The following DPYD variants were observed in gnomAD, a reference collection of about 807,000 sequenced individuals.
The protein encoded by DPYD is dihydropyrimidine dehydrogenase.
Under a neutral mutation model 116.2 loss-of-function variants are expected in DPYD, and 109 were observed. The ratio of observed to expected loss-of-function variants is 0.94; its 90% confidence interval spans 0.80 to 1.10. The LOEUF is 1.10. DPYD is among the 50% of genes least tolerant of loss of function. The pLI, the probability that DPYD is intolerant of heterozygous loss-of-function variation, is 0.00. For synonymous variants in DPYD, 440 were observed against 432.0 expected (o/e 1.02, Z -0.23); for missense variants, 1,302 against 1,254.5 (o/e 1.04, Z -0.57).
intron 8 of DPYD, among the ~76,000 whole-genome samples, chr1:97,640,721 GA>G (rs1657841676): frequency 6.6e-6 from 1 of 152,112 alleles, no homozygotes; most frequent in Admixed American, 6.6e-5. Flanking sequence ...AGGTGGGACA[GA>G]GCCTGAGTTT....
intron 5 of DPYD, among the ~76,000 whole-genome samples, chr1:97,707,144 G>T (rs542873426): frequency 6.6e-6 from 1 of 152,134 alleles, no homozygotes; most frequent in South Asian, 2.1e-4. Context: ...ATTAGGTCAT[G>T]ACTTAGGAGG....
At chr1:97,247,591 C>T (rs1398051305) in intron 18 of DPYD, among the ~76,000 whole-genome samples, 4 of 152,104 alleles carry the variant, frequency 2.6e-5, no homozygotes, top group Admixed American at 1.3e-4. Context: ...GTATCTAATA[C>T]AGAACCAAAT....
rs1890138 is a variant in DPYD, at chr1:97,373,460, A to G, written c.2058+101T>C. On this transcript the variant is annotated intron_variant, in intron 16 of 22. Transcript: ENST00000370192. ...CAGACCTGGAAGTCTCTAGCCAGTC[A>G]TCTGATCCATGCATCTCCTTGCCTA... 0.27 allele frequency: 263,692 copies of G among 994,976 alleles called. 37,004 individuals are homozygous for G. The highest frequency in any genetic ancestry group is 0.42 in the South Asian group (29,596 of 70,186). 61.6% of individuals were successfully genotyped at this position (994,976 alleles called of 1,614,324 possible).
At chr1:97,306,390 A>G (rs1558015468) in intron 16 of DPYD, 93 bp from the exon 17 acceptor site, 2 of 1,526,944 alleles carry the variant, frequency 1.3e-6, no homozygotes, top group Non-Finnish European at 1.8e-6. Context: ...GACGTGCAAG[A>G]CAAATCCAAC....
chr1:97,590,275 T>C (rs1299150842), intron 10 of DPYD, among the ~76,000 whole-genome samples: 1 of 152,160 alleles, frequency 6.6e-6, no homozygotes, highest in Non-Finnish European at 1.5e-5. Flanking sequence ...ATTCCATCTC[T>C]CCAAGAAATT....
intron 14 of DPYD, among the ~76,000 whole-genome samples, chr1:97,414,739 T>C (rs1435197042): frequency 6.6e-6 from 1 of 152,244 alleles, no homozygotes; most frequent in Non-Finnish European, 1.5e-5. Flanking sequence ...TAAGTCTTTC[T>C]AGGTGCGAAA....
chr1:97,085,036 T>C (rs1181915011), intron 21 of DPYD, among the ~76,000 whole-genome samples: 2 of 152,182 alleles, frequency 1.3e-5, no homozygotes, highest in African/African-American at 2.4e-5. Flanking sequence ...GTATTTTAAA[T>C]ACAAAATAAT....
At chr1:97,540,729 T>C (rs1235190730) in intron 12 of DPYD, among the ~76,000 whole-genome samples, 1 of 152,020 alleles carries the variant, frequency 6.6e-6, no homozygotes, top group Non-Finnish European at 1.5e-5. Flanking sequence ...TCCCCGGAGG[T>C]TGGGGAGCAG....
chr1:97,650,036 T>G (rs773706281), intron 8 of DPYD, among the ~76,000 whole-genome samples: 4 of 152,114 alleles, frequency 2.6e-5, no homozygotes, highest in Non-Finnish European at 5.9e-5. Context: ...AACCTAGCTA[T>G]CTACCATCTC....
At chr1:97,388,493 C>T (rs1176585749) in intron 14 of DPYD, among the ~76,000 whole-genome samples, 1 of 151,986 alleles carries the variant, frequency 6.6e-6, no homozygotes, top group Non-Finnish European at 1.5e-5. Context: ...AGTGTGATGT[C>T]GTGCCAAGAG....
chr1:97,836,311 C>G (rs985052362), intron 2 of DPYD, among the ~76,000 whole-genome samples: 1 of 152,146 alleles, frequency 6.6e-6, no homozygotes, highest in Non-Finnish European at 1.5e-5. Flanking sequence ...CTCATTTACT[C>G]AATCCAGTGA....
At chr1:97,562,809 C>T (rs1273736633) in intron 11 of DPYD, among the ~76,000 whole-genome samples, 1 of 152,118 alleles carries the variant, frequency 6.6e-6, no homozygotes, top group East Asian at 1.9e-4. Context: ...ACCTCTGCCT[C>T]CTGGGTTCAA....
chr1:97,703,451 T>C (rs923098724), intron 5 of DPYD, among the ~76,000 whole-genome samples: 1 of 151,982 alleles, frequency 6.6e-6, no homozygotes, highest in Non-Finnish European at 1.5e-5. Context: ...GCTAATTATA[T>C]GTGGAAAGTG....
At chr1:97,353,195 C>T (rs1670240140) in intron 16 of DPYD, among the ~76,000 whole-genome samples, 1 of 152,176 alleles carries the variant, frequency 6.6e-6, no homozygotes, top group Non-Finnish European at 1.5e-5. Flanking sequence ...GTCACAGTCT[C>T]ACAGAGCAGT....
At chr1:97,690,880 A>G (rs1660977418) in intron 7 of DPYD, among the ~76,000 whole-genome samples, 2 of 152,018 alleles carry the variant, frequency 1.3e-5, no homozygotes, top group Non-Finnish European at 2.9e-5. Flanking sequence ...AAACCACAAA[A>G]TATTTTTTTG....
intron 20 of DPYD, among the ~76,000 whole-genome samples, chr1:97,183,851 T>A (rs540948005): frequency 1.3e-5 from 2 of 152,220 alleles, no homozygotes; most frequent in South Asian, 4.1e-4. Context: ...ATACAGGTTA[T>A]TTTGTCACTC....
chr1:97,567,858 T>C (rs927783416), intron 11 of DPYD, among the ~76,000 whole-genome samples: 1 of 123,160 alleles, frequency 8.1e-6, no homozygotes, highest in Non-Finnish European at 1.7e-5. Flanking sequence ...TTTGCAGAAA[T>C]TCAAAATGGA....
intron 14 of DPYD, among the ~76,000 whole-genome samples, chr1:97,404,373 T>G (rs1673532382): frequency 6.6e-6 from 1 of 151,628 alleles, no homozygotes; most frequent in East Asian, 1.9e-4. Flanking sequence ...TGTCCATTTC[T>G]GACAGAGAAG....
At chr1:97,389,788 T>C (rs1371469450) in intron 14 of DPYD, among the ~76,000 whole-genome samples, 1 of 151,622 alleles carries the variant, frequency 6.6e-6, no homozygotes, top group Non-Finnish European at 1.5e-5. Flanking sequence ...GATAATTTAC[T>C]AATCAAATTT....
Sources: allele counts gnomAD v4.1 joint callset (sites outside exome capture counted in the v4.1 genomes callset), GRCh38; gene constraint gnomAD v4.1.1; transcripts MANE v1.5; gene names NCBI Gene and HGNC (gene_info 2026-07-23, HGNC 2026-07-21).